Variants in PTPRD observed in about 807,000 individuals in gnomAD.
PTPRD encodes protein tyrosine phosphatase receptor type D.
Under a neutral mutation model 214.5 loss-of-function variants are expected in PTPRD, and 34 were observed. That is an observed-to-expected ratio of 0.16 (90% CI 0.12 to 0.21). The LOEUF (loss-of-function observed/expected upper bound fraction) is 0.21. Among genes scored for constraint, PTPRD ranks in the 10% least tolerant of loss-of-function variants. The pLI, the probability that PTPRD is intolerant of heterozygous loss-of-function variation, is 1.00. For synonymous variants in PTPRD, 1,128 were observed against 845.7 expected (o/e 1.33, Z -5.79); for missense variants, 2,545 against 2,398.7 (o/e 1.06, Z -1.27).
At chr9:10,469,605 C>T (rs1192494642) in intron 2 of PTPRD, among the ~76,000 whole-genome samples, 1 of 152,026 alleles carries the variant, frequency 6.6e-6, no homozygotes, top group East Asian at 1.9e-4. Flanking sequence ...TATGGCGCTT[C>T]CTCAAAGAAC....
At chr9:8,605,377 G>A (rs568837002) in intron 14 of PTPRD, among the ~76,000 whole-genome samples, 2 of 151,900 alleles carry the variant, frequency 1.3e-5, no homozygotes, top group South Asian at 2.1e-4. Context: ...TCATTCAACC[G>A]AACTAGAGAA....
intron 12 of PTPRD, among the ~76,000 whole-genome samples, chr9:8,652,194 T>A (rs1415652946): frequency 1.3e-5 from 2 of 152,234 alleles, no homozygotes; most frequent in Non-Finnish European, 2.9e-5. Context: ...GAGATTTTAA[T>A]GACACTATTT....
At position 10,031,647 on chromosome 9, in the gene PTPRD, T is replaced by TATATATATATATACACACAC; in HGVS notation, c.-472+2070_-472+2071insGTGTGTGTATATATATATAT. 1.5e-4 allele frequency among the ~76,000 whole-genome samples: 13 copies of TATATATATATATACACACAC among 89,646 alleles called. 1 individual carries two copies. The highest frequency in any genetic ancestry group is 7.3e-4 in the African/African-American group (9 of 12,368). The allele number at this position is 89,646 out of a possible 152,430, so 58.8% of individuals were successfully genotyped here. A position where few individuals can be genotyped will look rare whatever the true frequency, so the allele number is the denominator to read the frequency against. ...CTCCATATATATATATATATATATA[T>TATATATATATATACACACAC]ACACACACACACACACACATACACA... On this transcript the variant is annotated intron_variant, in intron 4 of 45. Transcript: ENST00000381196.
At chr9:8,934,482 T>TAA (rs2098980366) in intron 11 of PTPRD, among the ~76,000 whole-genome samples, 16 of 7,668 alleles carry the variant, frequency 2.1e-3, no homozygotes, top group Non-Finnish European at 4.2e-3. Flanking sequence ...TATATAAATA[T>TAA]ATATATATAT....
chr9:8,697,883 G>T (rs1321175700), intron 12 of PTPRD, among the ~76,000 whole-genome samples: 1 of 151,928 alleles, frequency 6.6e-6, no homozygotes, highest in Non-Finnish European at 1.5e-5. Flanking sequence ...GGTAAATATG[G>T]GTTGTCATTT....
intron 9 of PTPRD, among the ~76,000 whole-genome samples, chr9:9,238,515 C>T (rs1364669324): frequency 6.6e-6 from 1 of 152,054 alleles, no homozygotes; most frequent in African/African-American, 2.4e-5. Context: ...CAGAGAGAAA[C>T]TGGAAAATCA....
chr9:8,673,632 C>G lies in PTPRD; in HGVS notation c.65-36788G>C, dbSNP rs190069009. ...TAATGTATCTCATTTATGTTTTTCT[C>G]TTTCTATATTTTTAATTTATCCCTC... On this transcript the variant is annotated intron_variant, in intron 12 of 45. Transcript: ENST00000381196. 1.7e-4 allele frequency among the ~76,000 whole-genome samples: 26 copies of G among 152,140 alleles called. No individual in the cohort carries two copies. In the East Asian group the frequency reaches 4.4e-3, roughly 26 times the overall value.
At chr9:8,591,962 G>C (rs934592603) in intron 14 of PTPRD, among the ~76,000 whole-genome samples, 4 of 152,056 alleles carry the variant, frequency 2.6e-5, no homozygotes, top group African/African-American at 9.7e-5. Context: ...AATAAATTTG[G>C]GGCAGCTAGC....
chr9:9,731,767 C>A (rs1403956826), intron 7 of PTPRD, among the ~76,000 whole-genome samples: 3 of 152,068 alleles, frequency 2.0e-5, no homozygotes, highest in African/African-American at 7.2e-5. Flanking sequence ...AATGAGAACA[C>A]TTGGACACAG....
At chr9:9,407,607 T>C (rs770367346) in intron 8 of PTPRD, among the ~76,000 whole-genome samples, 16 of 151,746 alleles carry the variant, frequency 1.1e-4, no homozygotes, top group Admixed American at 3.3e-4. Flanking sequence ...ATTTAGAATA[T>C]AGAGTCAAAA....
chr9:9,931,285 A>G (rs899971866), intron 5 of PTPRD, among the ~76,000 whole-genome samples: 3 of 152,194 alleles, frequency 2.0e-5, no homozygotes, highest in Non-Finnish European at 2.9e-5. Context: ...CGCAGAAGAC[A>G]GGTGATTTCT....
intron 5 of PTPRD, among the ~76,000 whole-genome samples, chr9:9,778,283 G>A (rs2098814823): frequency 6.6e-6 from 1 of 152,102 alleles, no homozygotes; most frequent in Non-Finnish European, 1.5e-5. Context: ...GGAACTAAGG[G>A]ATAACTCACT....
intron 3 of PTPRD, among the ~76,000 whole-genome samples, chr9:10,245,514 C>T (rs894639281): frequency 1.3e-5 from 2 of 151,984 alleles, no homozygotes; most frequent in African/African-American, 4.8e-5. Flanking sequence ...GCAAGGTGGC[C>T]CCACAAGCAC....
intron 10 of PTPRD, among the ~76,000 whole-genome samples, chr9:9,175,580 G>A (rs539112348): frequency 9.4e-5 from 13 of 138,910 alleles, no homozygotes; most frequent in African/African-American, 2.5e-4. Flanking sequence ...CCGAGATTGC[G>A]CTGCTGCACT....
intron 11 of PTPRD, among the ~76,000 whole-genome samples, chr9:8,997,956 C>A (rs2099403301): frequency 6.6e-6 from 1 of 152,022 alleles, no homozygotes; most frequent in African/African-American, 2.4e-5. Flanking sequence ...AGACCACAGC[C>A]CTAACTCTCT....
intron 7 of PTPRD, among the ~76,000 whole-genome samples, chr9:9,675,933 C>G (rs1249928160): frequency 6.6e-6 from 1 of 151,930 alleles, no homozygotes; most frequent in Non-Finnish European, 1.5e-5. Context: ...AAATATTAAC[C>G]AACTATACCC....
chr9:10,510,524 C>T (rs1201500455), intron 2 of PTPRD, among the ~76,000 whole-genome samples: 3 of 151,978 alleles, frequency 2.0e-5, no homozygotes, highest in African/African-American at 2.4e-5. Flanking sequence ...ATGTTGCTTT[C>T]GGCATATCGC....
intron 9 of PTPRD, among the ~76,000 whole-genome samples, chr9:9,235,437 T>C (rs541556218): frequency 6.6e-6 from 1 of 152,314 alleles, no homozygotes; most frequent in East Asian, 1.9e-4. Flanking sequence ...CTGTCCACTC[T>C]TCATGGAATG....
At chr9:10,003,130 T>A (rs953119359) in intron 4 of PTPRD, among the ~76,000 whole-genome samples, 14 of 151,778 alleles carry the variant, frequency 9.2e-5, no homozygotes, top group Non-Finnish European at 2.1e-4. Flanking sequence ...CTTCTGTTAG[T>A]CAAGGGACAT....
Sources: allele counts gnomAD v4.1 joint callset (sites outside exome capture counted in the v4.1 genomes callset), GRCh38; gene constraint gnomAD v4.1.1; transcripts MANE v1.5; gene names NCBI Gene and HGNC (gene_info 2026-07-23, HGNC 2026-07-21).